TNRC18: variants seen among roughly 807,000 people sequenced by gnomAD.
TNRC18 encodes trinucleotide repeat containing 18, also known as trinucleotide repeat-containing gene 18 protein.
A neutral mutation model predicts 226.7 loss-of-function variants in TNRC18; 69 were observed. The ratio of observed to expected loss-of-function variants is 0.30; its 90% CI spans 0.25 to 0.37. TNRC18 has a LOEUF of 0.37. Among genes scored for constraint, TNRC18 ranks in the 10% least tolerant of loss-of-function variants. TNRC18 has a pLI of 1.00. For synonymous variants in TNRC18, 2,449 were observed against 1,927.6 expected (o/e 1.27, Z -7.09); for missense variants, 4,754 against 4,256.6 (o/e 1.12, Z -3.25).
chr7:5,387,688 C>G lies in TNRC18; in HGVS notation c.2136G>C (p.Ser712=). The G allele has an allele frequency of 1.9e-6, 3 of 1,604,608 alleles. No homozygotes were observed. In the South Asian group the frequency reaches 3.3e-5, roughly 18 times the overall value. Residue 712 remains serine (S), a synonymous_variant, in exon 5 of 30, where the codon TCG becomes TCC. Coordinates refer to ENST00000430969, the MANE Select transcript of TNRC18 (RefSeq NM_001080495.3). ...AGGACCTACCTTTGACGTTACTCAG[C>G]GACAGAGAGCGCTCCTGGTCTACCA... The part of the protein sequence containing the change: ...PGLVDQERSL[S]LSNVKGHGRA...
chr7:5,356,102 T>TGCA (rs2128152843), intron 16 of TNRC18, among the ~76,000 whole-genome samples: 1 of 150,712 alleles, frequency 6.6e-6, no homozygotes, highest in Admixed American at 6.6e-5. Flanking sequence ...AGCTAGAAGT[T>TGCA]GCAGTGAGCC....
Position 5,341,057 on chromosome 7 carries a change from C to T in TNRC18, c.5719+4505G>A, listed in dbSNP as rs560876392. Among the ~76,000 whole-genome samples the T allele has an allele frequency of 5.9e-4, 90 of 152,096 alleles. 2 individuals carry two copies. In the South Asian group the frequency reaches 6.4e-3, roughly 11 times the overall value. Reference sequence around the variant, plus strand: ...TAAGTTGAAGCCAATGCTCAATTACCATTCTGAAAACCCCAGGGTCCTTAA... The same window carrying T: ...TAAGTTGAAGCCAATGCTCAATTACTATTCTGAAAACCCCAGGGTCCTTAA... On this transcript the variant is annotated intron_variant, in intron 18 of 29. Transcript: ENST00000430969.
rs1172204858 is a variant in TNRC18, at chr7:5,394,008, T to C, written c.343+432A>G. Among the ~76,000 whole-genome samples, 1 of 152,128 alleles carries C rather than the reference T, an allele frequency of 6.6e-6. No individual in the cohort carries two copies. The highest frequency in any genetic ancestry group is 1.9e-4 in the East Asian group (1 of 5,192). ...CAGCTGTGAGCCACCATGCCCGGCCTGCTCCTGTAATTATTAATGAGCCTA... is the reference window on the plus strand; with the variant it reads ...CAGCTGTGAGCCACCATGCCCGGCCCGCTCCTGTAATTATTAATGAGCCTA... On this transcript the variant is annotated intron_variant, in intron 3 of 29. Coordinates refer to ENST00000430969, the MANE Select transcript of TNRC18 (RefSeq NM_001080495.3). The surrounding 1 kb of genome is among the most constrained non-coding windows in gnomAD (Gnocchi z 4.5).
chr7:5,309,475 A>C lies in TNRC18; in HGVS notation c.8389-107T>G. On this transcript the variant is annotated intron_variant, in intron 27 of 29. Transcript: ENST00000430969. The surrounding 1 kb of genome is among the most constrained non-coding windows in gnomAD (Gnocchi z 5.7). ...CTCTGGGCCCTCGGCCTCTAAATCA[A>C]CCCCTATCCAACTGTGGGGAGATGA... 1.1e-5 allele frequency: 10 copies of C among 902,690 alleles called. No homozygotes were observed. The highest frequency in any genetic ancestry group is 1.7e-5 in the Non-Finnish European group (10 of 596,318). 55.9% of individuals were successfully genotyped at this position (902,690 alleles called of 1,614,324 possible). A position where few individuals can be genotyped will look rare whatever the true frequency, so the allele number is the denominator to read the frequency against.
At chr7:5,349,068 T>G (rs1281192068) in intron 17 of TNRC18, among the ~76,000 whole-genome samples, 1 of 152,158 alleles carries the variant, frequency 6.6e-6, no homozygotes. Flanking sequence ...CCAGAGGAAT[T>G]CTCAAGCAGC....
Position 5,308,304 on chromosome 7 carries a change from T to C in TNRC18, c.8709A>G (p.Leu2903=), listed in dbSNP as rs764850957. 7 of 1,611,426 alleles carry C rather than the reference T, an allele frequency of 4.3e-6. No homozygotes were observed. In the Middle Eastern group the frequency reaches 5.0e-4, roughly 115 times the overall value. The change falls in exon 30 of 30, where the codon CTA becomes CTG. Residue 2903 remains leucine (L), a synonymous_variant. Transcript: ENST00000430969. ...TTTCGTCCACATGCGAGGACTGGTA[T>C]AGCGCGCGCTGCGGGCACGCGGGGA... ...SQRKDFMERA[L]YQSSHVDEND...
intron 2 of TNRC18, among the ~76,000 whole-genome samples, chr7:5,416,462 T>C (rs1782194512): frequency 6.6e-6 from 1 of 152,256 alleles, no homozygotes; most frequent in African/African-American, 2.4e-5. Context: ...GGTGCTGGAC[T>C]GTAGTCCTCG....
intron 2 of TNRC18, among the ~76,000 whole-genome samples, chr7:5,417,614 G>A (rs529105254): frequency 3.3e-4 from 50 of 152,186 alleles, no homozygotes; most frequent in Non-Finnish European, 6.6e-4. Flanking sequence ...GGACCCGAGC[G>A]GTGCCTGGCA....
In TNRC18 at chr7:5,313,727, C is replaced by T; in HGVS notation, c.7164G>A (p.Lys2388=). 1 of 1,577,044 alleles carries T rather than the reference C, an allele frequency of 6.3e-7. No homozygotes were observed. The highest frequency in any genetic ancestry group is 1.2e-5 in the South Asian group (1 of 84,898). Residue 2388 remains lysine, a synonymous_variant, in exon 27 of 30, where the codon AAG becomes AAA. Coordinates refer to ENST00000430969, the MANE Select transcript of TNRC18 (RefSeq NM_001080495.3). ...EPVDKRAKAP[K]ARPAPPQPSP... The stretch of plus-strand genomic sequence containing the variant: ...TGGGCTGCGGCGGTGCCGGGCGCGC[C>T]TTGGGGGCCTTGGCTCGCTTGTCCA...
chr7:5,398,794 T>C (rs533853461), intron 2 of TNRC18, among the ~76,000 whole-genome samples: 2 of 150,900 alleles, frequency 1.3e-5, no homozygotes, highest in South Asian at 2.1e-4. Flanking sequence ...ATTTTTTTCT[T>C]TCTCTTTTTT....
chr7:5,361,344 A>T (rs549986979), intron 14 of TNRC18, among the ~76,000 whole-genome samples: 146 of 152,308 alleles, frequency 9.6e-4, no homozygotes, highest in African/African-American at 3.2e-3. Flanking sequence ...TGGCAGGAAG[A>T]CAGGTGAAGC....
At position 5,321,026 on chromosome 7, in the gene TNRC18, C is replaced by T. The variant is rs1279394898; in HGVS notation, c.6560+47G>A. ...GCACAGAGGCGGCCGGGACACGGGG[C>T]GGGTATGGGACACGGGGCTCTGTGC... On this transcript the variant is annotated intron_variant, in intron 22 of 29. Coordinates refer to ENST00000430969, the MANE Select transcript of TNRC18 (RefSeq NM_001080495.3). 1.1e-5 allele frequency: 15 copies of T among 1,351,964 alleles called. No individual in the cohort carries two copies. In the Admixed American group the frequency reaches 1.4e-4, roughly 13 times the overall value. The allele number at this position is 1,351,964 out of a possible 1,614,324, so 83.7% of individuals were successfully genotyped here.
intron 2 of TNRC18, among the ~76,000 whole-genome samples, chr7:5,406,235 G>C (rs957456170): frequency 6.6e-6 from 1 of 150,960 alleles, no homozygotes; most frequent in African/African-American, 2.4e-5. Context: ...GAGGCCGACG[G>C]GCAAATCATT....
chr7:5,353,210 A>T (rs1446359142), intron 16 of TNRC18, among the ~76,000 whole-genome samples: 1 of 152,134 alleles, frequency 6.6e-6, no homozygotes, highest in Non-Finnish European at 1.5e-5. Flanking sequence ...TGGAGAGGCT[A>T]AGTGGGTGAC....
At position 5,374,182 on chromosome 7, in the gene TNRC18, C is replaced by T. The variant is rs754582118; in HGVS notation, c.3102G>A (p.Pro1034=). 6.8e-5 allele frequency: 13 copies of T among 191,740 alleles called. No individual in the cohort carries two copies. In the South Asian group the frequency reaches 8.9e-4, roughly 13 times the overall value. 11.9% of individuals were successfully genotyped at this position (191,740 alleles called of 1,614,324 possible). A position where few individuals can be genotyped will look rare whatever the true frequency, so the allele number is the denominator to read the frequency against. Reference sequence around the variant, plus strand: ...GGGTGGGCGGTGGGGAGGCGGGCGGCGGGCTGGTGGGGTGGGAGCTGGGGG... The same window carrying T: ...GGGTGGGCGGTGGGGAGGCGGGCGGTGGGCTGGTGGGGTGGGAGCTGGGGG... ...PATPSSHPTS[P]PPASPPPTPG... The change falls in exon 10 of 30, where the codon CCG becomes CCA. Residue 1034 remains proline, a synonymous_variant. Transcript: ENST00000430969.
rs1786916755 is a variant in TNRC18, at chr7:5,309,049, T to C, written c.8625+83A>G. On this transcript the variant is annotated intron_variant, in intron 28 of 29. Coordinates refer to ENST00000430969, the MANE Select transcript of TNRC18 (RefSeq NM_001080495.3). The surrounding 1 kb of genome is among the most constrained non-coding windows in gnomAD (Gnocchi z 5.7). The stretch of plus-strand genomic sequence containing the variant: ...CTGACCCACTGGGCAGGGCTGCTGA[T>C]GCTCCAGCACCCAGAACGCCTCGCC... The C allele has an allele frequency of 6.7e-7, 1 of 1,496,850 alleles. No homozygotes were observed. Among genetic ancestry groups the C allele is most frequent in the Non-Finnish European group, 9.1e-7 (1 of 1,098,588 alleles). 92.7% of individuals were successfully genotyped at this position (1,496,850 alleles called of 1,614,324 possible). A position where few individuals can be genotyped will look rare whatever the true frequency, so the allele number is the denominator to read the frequency against.
rs1786584507 is a variant in TNRC18, at chr7:5,307,011, C to T, written c.*1095G>A. On this transcript the variant is annotated 3_prime_UTR_variant, in exon 30 of 30. Coordinates refer to ENST00000430969, the MANE Select transcript of TNRC18 (RefSeq NM_001080495.3). ...GGTTAAGTGCTTTCTGGGGCCCAAG[C>T]AGGGACCCTGGGCTTGGGCCGGCTC... 4 of 150,130 alleles carry T rather than the reference C, an allele frequency of 2.7e-5. No homozygotes were observed. Among genetic ancestry groups the T allele is most frequent in the African/African-American group, 9.8e-5 (4 of 40,852 alleles). 9.3% of individuals were successfully genotyped at this position (150,130 alleles called of 1,614,324 possible).
intron 5 of TNRC18, among the ~76,000 whole-genome samples, chr7:5,385,089 G>T (rs1057487765): frequency 6.6e-6 from 1 of 152,240 alleles, no homozygotes; most frequent in Non-Finnish European, 1.5e-5. Context: ...AGGCACAGAG[G>T]ATGGGGAGAC....
In TNRC18 at chr7:5,312,810, G is replaced by T. The variant is rs1331283709; in HGVS notation, c.8081C>A (p.Ser2694Tyr). ...CTTGGTGGGGAGCGCCGCCTGCGCG[G>T]AAGGGCCAGCCGTGGGGGCGGGGGC... ...EAAPAPTAGPSAQAALPTKAT... is the reference protein window; with the variant it reads ...EAAPAPTAGPYAQAALPTKAT... Residue 2694 changes from serine to tyrosine, a missense_variant, in exon 27 of 30, where the codon TCC becomes TAC. Ser to Tyr is a moderately radical substitution (Grantham distance 144). Coordinates refer to ENST00000430969, the MANE Select transcript of TNRC18 (RefSeq NM_001080495.3). The surrounding 1 kb of genome is among the most constrained non-coding windows in gnomAD (Gnocchi z 6.3). The T allele has an allele frequency of 1.3e-6, 2 of 1,534,140 alleles. No homozygotes were observed. Among genetic ancestry groups the T allele is most frequent in the Admixed American group, 4.2e-5 (2 of 47,852 alleles).
Sources: allele counts gnomAD v4.1 joint callset (sites outside exome capture counted in the v4.1 genomes callset), GRCh38; gene constraint gnomAD v4.1.1; non-coding constraint Gnocchi (gnomAD v3.1); transcripts MANE v1.5; gene names NCBI Gene and HGNC (gene_info 2026-07-23, HGNC 2026-07-21).